LGR5: variants seen among roughly 807,000 people sequenced by gnomAD.
The protein encoded by LGR5 is leucine rich repeat containing G protein-coupled receptor 5.
Under a neutral mutation model 76.7 loss-of-function variants are expected in LGR5, and 54 were observed. The ratio of observed to expected loss-of-function variants is 0.70; its 90% CI spans 0.57 to 0.88. The LOEUF is 0.88. Among genes scored for constraint, LGR5 ranks in the 40% least tolerant of loss-of-function variants. The pLI is 0.00. For missense variants in LGR5, 1,078 were observed against 1,073.3 expected (o/e 1.00, Z -0.06); for synonymous variants, 406 against 421.9 (o/e 0.96, Z 0.46).
intron 4 of LGR5, among the ~76,000 whole-genome samples, chr12:71,546,487 C>T (rs1361817336): frequency 6.6e-6 from 1 of 152,054 alleles, no homozygotes; most frequent in African/African-American, 2.4e-5. Flanking sequence ...CATCCAGTTG[C>T]CCAGGCCAGA....
intron 2 of LGR5, among the ~76,000 whole-genome samples, chr12:71,515,547 C>T (rs1875392864): frequency 6.6e-6 from 1 of 152,104 alleles, no homozygotes; most frequent in Non-Finnish European, 1.5e-5. Flanking sequence ...CTGCTGAAAT[C>T]AATATTGGAA....
At chr12:71,545,420 C>A (rs1205648740) in intron 4 of LGR5, among the ~76,000 whole-genome samples, 1 of 151,990 alleles carries the variant, frequency 6.6e-6, no homozygotes, top group Non-Finnish European at 1.5e-5. Context: ...CCACTGCACT[C>A]CAGCGTGAGT....
intron 4 of LGR5, among the ~76,000 whole-genome samples, chr12:71,539,548 G>C (rs1423098891): frequency 1.3e-5 from 2 of 152,156 alleles, no homozygotes; most frequent in Non-Finnish European, 2.9e-5. Flanking sequence ...TGCGATCTCA[G>C]CTCGCTGCAA....
chr12:71,567,759 A>G (rs1399512102), intron 11 of LGR5, among the ~76,000 whole-genome samples: 1 of 152,142 alleles, frequency 6.6e-6, no homozygotes, highest in Non-Finnish European at 1.5e-5. Flanking sequence ...CAGTTGCTCA[A>G]TGATATGTGG....
intron 2 of LGR5, among the ~76,000 whole-genome samples, chr12:71,519,502 A>C (rs7302128): frequency 0.091 from 13,908 of 152,064 alleles, 688 homozygotes; most frequent in Non-Finnish European, 0.11. Flanking sequence ...TGTCACCTAA[A>C]GTGGTACTAA....
At chr12:71,485,327 T>C (rs978224736) in intron 1 of LGR5, among the ~76,000 whole-genome samples, 29 of 152,298 alleles carry the variant, frequency 1.9e-4, no homozygotes, top group African/African-American at 7.0e-4. Context: ...AGAAGTAATT[T>C]ATGAATTGAA....
intron 1 of LGR5, among the ~76,000 whole-genome samples, chr12:71,488,445 C>A (rs542220782): frequency 1.3e-5 from 2 of 152,216 alleles, no homozygotes; most frequent in African/African-American, 4.8e-5. Context: ...ATAGTATGGT[C>A]CCTTTCAATG....
intron 1 of LGR5, among the ~76,000 whole-genome samples, chr12:71,502,672 C>A (rs2137300721): frequency 6.6e-6 from 1 of 152,316 alleles, no homozygotes; most frequent in African/African-American, 2.4e-5. Flanking sequence ...AGTCTAGGTT[C>A]CCACCCAAGA....
intron 8 of LGR5, among the ~76,000 whole-genome samples, chr12:71,563,926 A>G (rs1013543604): frequency 6.6e-6 from 1 of 151,068 alleles, no homozygotes; most frequent in Non-Finnish European, 1.5e-5. Context: ...ATACATATAT[A>G]TGTACACACA....
At chr12:71,464,061 T>C (rs1872772918) in intron 1 of LGR5, among the ~76,000 whole-genome samples, 1 of 152,204 alleles carries the variant, frequency 6.6e-6, no homozygotes, top group African/African-American at 2.4e-5. Context: ...TAGGGTGGAC[T>C]TAAATGTCAG....
chr12:71,561,712 A>G (rs1878065197), intron 7 of LGR5, 69 bp from the exon 8 acceptor site: 2 of 785,754 alleles, frequency 2.5e-6, no homozygotes, highest in Non-Finnish European at 4.0e-6. Context: ...CACTGTGGTC[A>G]GGGTGGGGGC....
chr12:71,565,414 C>A, intron 8 of LGR5, among the ~76,000 whole-genome samples: 1 of 20,136 alleles, frequency 5.0e-5, no homozygotes. Flanking sequence ...TTGCATGGAT[C>A]AATTGAGCTA....
intron 4 of LGR5, 23 bp downstream of exon 4, chr12:71,535,209 A>AAT: frequency 1.4e-6 from 2 of 1,473,822 alleles, no homozygotes; most frequent in Non-Finnish European, 1.9e-6. Context: ...GACATTGCAA[A>AAT]ATATATTTAA....
intron 1 of LGR5, among the ~76,000 whole-genome samples, chr12:71,503,820 C>T (rs1874719431): frequency 1.3e-5 from 2 of 152,040 alleles, no homozygotes; most frequent in Admixed American, 1.3e-4. Context: ...GTCTTTTGGC[C>T]TCTGAGATAC....
chr12:71,551,087 G>T lies in LGR5; in HGVS notation c.429-1986G>T, dbSNP rs190752184. On this transcript the variant is annotated intron_variant, in intron 4 of 17. Coordinates refer to ENST00000266674, the MANE Select transcript of LGR5 (RefSeq NM_003667.4). ...AAGCTGTGTTTCTGTTGCTGACAAT[G>T]ATAGTTGTTCTATTGGAAATTTAAT... 4.0e-3 allele frequency among the ~76,000 whole-genome samples: 614 copies of T among 152,344 alleles called. 9 individuals are homozygous for T. Among genetic ancestry groups the T allele is most frequent in the African/African-American group, 0.013 (558 of 41,592 alleles).
At chr12:71,495,635 G>C (rs568865858) in intron 1 of LGR5, among the ~76,000 whole-genome samples, 1 of 151,378 alleles carries the variant, frequency 6.6e-6, no homozygotes, top group South Asian at 2.1e-4. Context: ...AGATGATGCA[G>C]ATGAGGGAAC....
intron 1 of LGR5, among the ~76,000 whole-genome samples, chr12:71,444,498 A>G (rs1231345915): frequency 2.0e-5 from 3 of 152,126 alleles, no homozygotes; most frequent in Non-Finnish European, 4.4e-5. Context: ...TATATTTAAC[A>G]TATGCATGGC....
intron 8 of LGR5, among the ~76,000 whole-genome samples, chr12:71,562,733 T>C (rs1878123747): frequency 6.6e-6 from 1 of 152,152 alleles, no homozygotes; most frequent in Admixed American, 6.5e-5. Context: ...CCTGAGGTTG[T>C]GAATGAGAAG....
At chr12:71,505,157 A>G (rs1592497485) in intron 2 of LGR5, among the ~76,000 whole-genome samples, 2 of 152,270 alleles carry the variant, frequency 1.3e-5, no homozygotes, top group East Asian at 3.9e-4. Context: ...TTTAATTACT[A>G]TTTCCCTACT....
Sources: allele counts gnomAD v4.1 joint callset (sites outside exome capture counted in the v4.1 genomes callset), GRCh38; gene constraint gnomAD v4.1.1; transcripts MANE v1.5; gene names NCBI Gene and HGNC (gene_info 2026-07-23, HGNC 2026-07-21).